The following AHNAK variants were observed in gnomAD, a reference collection of about 807,000 sequenced individuals.
AHNAK encodes neuroblast differentiation-associated protein AHNAK.
A neutral mutation model predicts 37.8 loss-of-function variants in AHNAK; 23 were observed. That is an observed-to-expected ratio of 0.61 (90% CI 0.44 to 0.86). The LOEUF (loss-of-function observed/expected upper bound fraction) is 0.86, where lower values mean the gene tolerates loss of function less well. AHNAK is among the 40% of genes least tolerant of loss of function. The pLI, the probability that AHNAK is intolerant of heterozygous loss-of-function variation, is 0.00. For synonymous variants in AHNAK, 2,481 were observed against 2,636.3 expected, an observed-to-expected ratio of 0.94 and a Z score of 1.80; for missense variants, 7,411 against 7,319.4, an observed-to-expected ratio of 1.01 and a Z score of -0.46.
intron 5 of AHNAK, among the ~76,000 whole-genome samples, chr11:62,442,038 C>A (rs1938317340): frequency 6.6e-6 from 1 of 152,188 alleles, no homozygotes; most frequent in Non-Finnish European, 1.5e-5. Context: ...CTCCATCAGA[C>A]ACACATGGAG....
chr11:62,505,831 T>TC (rs1939801262), intron 4 of AHNAK, among the ~76,000 whole-genome samples: 1 of 150,250 alleles, frequency 6.7e-6, no homozygotes, highest in Non-Finnish European at 1.5e-5. Flanking sequence ...TTCTCTCGTT[T>TC]CCCCCCTTAG....
intron 5 of AHNAK, among the ~76,000 whole-genome samples, chr11:62,453,032 G>C (rs763357213): frequency 2.6e-5 from 4 of 152,030 alleles, no homozygotes; most frequent in Non-Finnish European, 4.4e-5. Context: ...CAACAAAAAA[G>C]GTGTTTCAGC....
intron 5 of AHNAK, chr11:62,491,607 G>C: frequency 1.2e-6 from 1 of 824,784 alleles, no homozygotes; most frequent in South Asian, 1.8e-5. Context: ...TGGGCTCCTG[G>C]GGTCCTGAGC....
intron 5 of AHNAK, among the ~76,000 whole-genome samples, chr11:62,473,708 C>T (rs764354753): frequency 6.7e-6 from 1 of 149,810 alleles, no homozygotes; most frequent in Non-Finnish European, 1.5e-5. Flanking sequence ...CTGTATAAAA[C>T]AATGATAGGA....
At chr11:62,498,816 T>C (rs191540877) in intron 4 of AHNAK, among the ~76,000 whole-genome samples, 65 of 152,046 alleles carry the variant, frequency 4.3e-4, no homozygotes, top group East Asian at 1.9e-4. Flanking sequence ...AATAAATAGA[T>C]CTTTGGAAAT....
chr11:62,508,568 C>G (rs1410706044), intron 4 of AHNAK, among the ~76,000 whole-genome samples: 2 of 152,256 alleles, frequency 1.3e-5, no homozygotes, highest in African/African-American at 4.8e-5. Context: ...GGCCAAGCCT[C>G]AAGCGTGTGG....
chr11:62,531,200 C>A lies in AHNAK; in HGVS notation c.3217G>T (p.Asp1073Tyr). 6.2e-7 allele frequency: 1 copy of A among 1,614,100 alleles called. No homozygotes were observed. The highest frequency in any genetic ancestry group is 8.5e-7 in the Non-Finnish European group (1 of 1,180,022). The part of the protein sequence containing the change: ...RAPKMSLPDV[D>Y]LDLKGPKMKG... ...ATTTTGGGTCCTTTAAGATCCAGGT[C>A]AACATCTGGCAAAGACATCTTAGGA... Residue 1073 changes from aspartate (D) to tyrosine (Y), a missense_variant, in exon 5 of 5, where the codon GAC becomes TAC. Coordinates refer to ENST00000378024, the MANE Select transcript of AHNAK (RefSeq NM_001620.3).
At chr11:62,496,449 G>C (rs1008489022) in intron 4 of AHNAK, among the ~76,000 whole-genome samples, 21 of 152,170 alleles carry the variant, frequency 1.4e-4, no homozygotes, top group African/African-American at 5.1e-4. Context: ...ACTATGCCTA[G>C]AGAAAATTCT....
Position 62,536,118 on chromosome 11 carries a change from TG to T in AHNAK, c.1-21del, listed in dbSNP as rs771723036. 6.4e-7 allele frequency: 1 copy of T among 1,553,196 alleles called. No homozygotes were observed. The highest frequency in any genetic ancestry group is 1.8e-5 in the Admixed American group (1 of 54,698). On this transcript the variant is annotated intron_variant, in intron 2 of 4. Transcript: ENST00000378024. ...CTCCATCTGGAATGAGGTGAGGAAA[TG>T]GAACTGGGGTCAGTGGGGGTGGGAG...
rs1196694567 is a variant in AHNAK at position 62,502,253 on chromosome 11, CCAGCCAA to C, written c.343-10429_343-10423del. On this transcript the variant is annotated intron_variant, in intron 4 of 5. Transcript: ENST00000257247. ...GAATGGTGTCAATTTGAGAAGTTTG[CCAGCCAA>C]CAGGGCACAGAATTTAGCTGAATTC... Among the ~76,000 whole-genome samples the C allele has an allele frequency of 2.0e-5, 3 of 152,280 alleles. 1 individual carries two copies. Among genetic ancestry groups the C allele is most frequent in the South Asian group, 2.1e-4 (1 of 4,826 alleles).
chr11:62,518,277 G>T lies in AHNAK; in HGVS notation c.16140C>A (p.Ile5380=). 6.2e-7 allele frequency: 1 copy of T among 1,614,172 alleles called. No individual in the cohort carries two copies. Among genetic ancestry groups the T allele is most frequent in the Non-Finnish European group, 8.5e-7 (1 of 1,180,032 alleles). ...CTCCTACGGATACTTTAGGGCATTT[G>T]ATGTCACCAGAGACAGCCAGATCTC... The part of the protein sequence containing the change: ...LQGDLAVSGD[I]KCPKVSVGAP... The change falls in exon 5 of 5, where the codon ATC becomes ATA. Residue 5380 remains isoleucine (I), a synonymous_variant. Transcript: ENST00000378024.
chr11:62,447,109 C>G (rs56140048), intron 5 of AHNAK, among the ~76,000 whole-genome samples: 20,198 of 152,126 alleles, frequency 0.13, 1,633 homozygotes, highest in Middle Eastern at 0.21. Context: ...CATCTAGGGG[C>G]TACTTCTCAG....
In AHNAK at chr11:62,524,520, G is replaced by T; in HGVS notation, c.9897C>A (p.Asp3299Glu). ...TAAGCTTTGAGCCTTTCAAATTCAAGTCAATTTCTGGCATGGAGATCTTGG... is the reference window on the plus strand; with the variant it reads ...TAAGCTTTGAGCCTTTCAAATTCAATTCAATTTCTGGCATGGAGATCTTGG... ...NMPKISMPEI[D>E]LNLKGSKLKG... The change falls in exon 5 of 5, where the codon GAC becomes GAA. Residue 3299 changes from aspartate to glutamate, a missense_variant. Transcript: ENST00000378024. The T allele has an allele frequency of 6.2e-7, 1 of 1,614,126 alleles. No individual in the cohort carries two copies. The highest frequency in any genetic ancestry group is 1.7e-5 in the Admixed American group (1 of 60,012).
At position 62,530,956 on chromosome 11, in the gene AHNAK, T is replaced by A. The variant is rs1164192144; in HGVS notation, c.3461A>T (p.Asp1154Val). The change falls in exon 5 of 5, where the codon GAC (aspartate) becomes GTC (valine). Residue 1154 changes from aspartate to valine, a missense_variant. Transcript: ENST00000378024. ...CACCTTGGGTCCTGAGACAACAACGTCAGCCTTAGGCAAGTTCACATCCAC... is the reference window on the plus strand; with the variant it reads ...CACCTTGGGTCCTGAGACAACAACGACAGCCTTAGGCAAGTTCACATCCAC... ...PEVDVNLPKA[D>V]VVVSGPKVDI... The A allele has an allele frequency of 2.5e-6, 4 of 1,614,014 alleles. No homozygotes were observed. The highest frequency in any genetic ancestry group is 3.4e-6 in the Non-Finnish European group (4 of 1,179,990).
chr11:62,478,009 C>T (rs1017984427), intron 5 of AHNAK, among the ~76,000 whole-genome samples: 11 of 152,022 alleles, frequency 7.2e-5, no homozygotes, highest in Non-Finnish European at 1.5e-4. Flanking sequence ...TGGTGAAGCC[C>T]GGGACCTGTA....
chr11:62,540,915 G>T (rs1941102674), intron 1 of AHNAK, among the ~76,000 whole-genome samples: 1 of 152,210 alleles, frequency 6.6e-6, no homozygotes, highest in Non-Finnish European at 1.5e-5. Flanking sequence ...TGCAACTGGG[G>T]ACAACGCCAA....
chr11:62,450,760 G>C (rs1590590783), intron 5 of AHNAK, among the ~76,000 whole-genome samples: 1 of 152,382 alleles, frequency 6.6e-6, no homozygotes, highest in East Asian at 1.9e-4. Flanking sequence ...AATAGCCCTA[G>C]GCCCATTGGA....
At chr11:62,447,920 A>G (rs1400546401) in intron 5 of AHNAK, among the ~76,000 whole-genome samples, 3 of 152,172 alleles carry the variant, frequency 2.0e-5, no homozygotes, top group African/African-American at 7.2e-5. Context: ...AGTTGTGATC[A>G]GTGTATGCTC....
intron 4 of AHNAK, among the ~76,000 whole-genome samples, chr11:62,507,711 G>A (rs921047157): frequency 1.3e-5 from 2 of 152,144 alleles, no homozygotes; most frequent in African/African-American, 2.4e-5. Flanking sequence ...AATCCAGGAG[G>A]CAGAGGTTGC....
Sources: gnomAD v4.1 joint callset for allele counts (sites outside exome capture counted in the v4.1 genomes callset) on GRCh38, gnomAD v4.1.1 for gene constraint, MANE v1.5 for transcripts, NCBI Gene and HGNC (gene_info 2026-07-23, HGNC 2026-07-21) for gene names.